NHSL2: variants seen among roughly 807,000 people sequenced by gnomAD.
NHSL2 encodes NHS like 2.
In NHSL2, 27 loss-of-function variants were observed where a neutral mutation model predicts 53.4. That is an observed-to-expected ratio of 0.51 (90% CI 0.37 to 0.70). The LOEUF (loss-of-function observed/expected upper bound fraction) is 0.70. Ranked by LOEUF, NHSL2 falls within the 30% of genes least tolerant of loss-of-function variation. The pLI, the probability that NHSL2 is intolerant of heterozygous loss-of-function variation, is 0.00. For missense variants in NHSL2, 892 were observed against 980.1 expected (o/e 0.91, Z 1.20); for synonymous variants, 408 against 404.1 (o/e 1.01, Z -0.12).
intron 1 of NHSL2, among the ~76,000 whole-genome samples, chrX:72,073,978 T>C (rs961163865): frequency 6.2e-5 from 7 of 112,360 alleles, no homozygotes; most frequent in Admixed American, 1.9e-4. Context: ...ACTGAACTCA[T>C]TGGGGACTCC....
Position 72,119,795 on chromosome X carries a change from T to C in NHSL2, c.281-12284T>C, listed in dbSNP as rs148700020. ...CCTCCAGTATAATGTTGAACAGAAG[T>C]AGGGAAAGTGGATACCCTTGTCTTG... is the stretch of plus-strand genomic sequence containing the variant. On this transcript the variant is annotated intron_variant, in intron 1 of 7. Transcript: ENST00000633930. Among the ~76,000 whole-genome samples, 583 of 112,210 alleles carry C rather than the reference T, an allele frequency of 5.2e-3. 4 individuals are homozygous for C. Among genetic ancestry groups the C allele is most frequent in the African/African-American group, 0.018 (550 of 30,885 alleles).
chrX:71,914,738 C>T (rs186503839), intron 1 of NHSL2, among the ~76,000 whole-genome samples: 1 of 111,595 alleles, frequency 9.0e-6, no homozygotes, highest in Admixed American at 9.5e-5. Flanking sequence ...TAAATCTATA[C>T]GGAGATGAAA....
At position 72,139,549 on chromosome X, in the gene NHSL2, C is replaced by G; in HGVS notation, c.2001C>G (p.Thr667=). 8.3e-7 allele frequency: 1 copy of G among 1,211,044 alleles called. No homozygotes were observed. Among genetic ancestry groups the G allele is most frequent in the South Asian group, 1.8e-5 (1 of 56,844 alleles). The change falls in exon 6 of 8, where the codon ACC becomes ACG. Residue 667 remains threonine, a synonymous_variant. Coordinates refer to ENST00000633930, the MANE Select transcript of NHSL2 (RefSeq NM_001013627.3). ...TATGTTVIEC[T]QVQGSSESLA... ...CTGGCACCACAGTCATTGAGTGCAC[C>G]CAAGTTCAGGGCAGCTCAGAGTCTC... is the stretch of plus-strand genomic sequence containing the variant.
intron 1 of NHSL2, among the ~76,000 whole-genome samples, chrX:72,024,276 AT>A (rs1163869645): frequency 2.7e-5 from 3 of 111,611 alleles, no homozygotes; most frequent in African/African-American, 9.8e-5. Flanking sequence ...TGTAACTATA[AT>A]GGTTTGGTGG....
intron 1 of NHSL2, among the ~76,000 whole-genome samples, chrX:72,012,526 C>T (rs1054128213): frequency 8.9e-6 from 1 of 112,665 alleles, no homozygotes; most frequent in African/African-American, 3.2e-5. Context: ...ACTGCAATCT[C>T]TACCTCCATC....
At chrX:72,081,271 G>C (rs1261407750) in intron 1 of NHSL2, among the ~76,000 whole-genome samples, 1 of 112,339 alleles carries the variant, frequency 8.9e-6, no homozygotes, top group Non-Finnish European at 1.9e-5. Flanking sequence ...TGCGGTCTGC[G>C]TGGGGCCTCA....
chrX:72,116,639 C>T (rs1353435879), intron 1 of NHSL2, among the ~76,000 whole-genome samples: 5 of 111,688 alleles, frequency 4.5e-5, no homozygotes, highest in African/African-American at 9.8e-5. Context: ...GGGGCAGGGG[C>T]GTGGTTCTGG....
intron 1 of NHSL2, among the ~76,000 whole-genome samples, chrX:72,031,709 C>T (rs560650923): frequency 9.5e-6 from 1 of 104,921 alleles, no homozygotes; most frequent in African/African-American, 3.5e-5. Context: ...CGCTCCTTTC[C>T]AACACACTGG....
At chrX:72,041,836 T>C (rs1037541436) in intron 1 of NHSL2, among the ~76,000 whole-genome samples, 1 of 112,352 alleles carries the variant, frequency 8.9e-6, no homozygotes, top group East Asian at 2.8e-4. Context: ...CATTTACTCA[T>C]TGGATTCTGG....
intron 1 of NHSL2, among the ~76,000 whole-genome samples, chrX:72,098,349 G>A (rs2041959685): frequency 8.9e-6 from 1 of 112,277 alleles, no homozygotes; most frequent in Non-Finnish European, 1.9e-5. Flanking sequence ...GGGAAGCCGA[G>A]ACGGGTGGAT....
At chrX:72,079,034 G>A (rs1302569365) in intron 1 of NHSL2, among the ~76,000 whole-genome samples, 2 of 112,282 alleles carry the variant, frequency 1.8e-5, no homozygotes, top group African/African-American at 6.5e-5. Flanking sequence ...CTCACGCTGA[G>A]TCTCTTTCCA....
At chrX:71,940,678 G>T (rs760206454) in intron 1 of NHSL2, among the ~76,000 whole-genome samples, 1 of 109,941 alleles carries the variant, frequency 9.1e-6, no homozygotes, top group South Asian at 4.1e-4. Flanking sequence ...GTGCAGATTT[G>T]GTTGTGGGAA....
At chrX:71,964,773 C>T (rs1293537355) in intron 1 of NHSL2, among the ~76,000 whole-genome samples, 3 of 112,412 alleles carry the variant, frequency 2.7e-5, no homozygotes, top group Non-Finnish European at 5.6e-5. Context: ...CCACAGTCTC[C>T]ACTGTTTTTG....
chrX:71,979,714 C>G (rs1229504625), intron 1 of NHSL2, among the ~76,000 whole-genome samples: 3 of 111,671 alleles, frequency 2.7e-5, no homozygotes, highest in Non-Finnish European at 5.6e-5. Context: ...TGTAGGTTGC[C>G]TGTTCACTCT....
intron 1 of NHSL2, among the ~76,000 whole-genome samples, chrX:72,088,060 G>GTCTC (rs999760895): frequency 1.8e-5 from 2 of 108,936 alleles, no homozygotes; most frequent in Non-Finnish European, 1.9e-5. Context: ...GAGAAACCCC[G>GTCTC]TCTCTACTAA....
At chrX:71,968,324 G>T (rs1469412038) in intron 1 of NHSL2, among the ~76,000 whole-genome samples, 1 of 110,805 alleles carries the variant, frequency 9.0e-6, no homozygotes, top group East Asian at 2.8e-4. Context: ...TGCTTGAAGT[G>T]GAACCTGCCA....
intron 1 of NHSL2, among the ~76,000 whole-genome samples, chrX:71,932,446 T>A (rs190421800): frequency 1.8e-5 from 2 of 111,043 alleles, no homozygotes; most frequent in East Asian, 5.7e-4. Context: ...TTCAAAATGC[T>A]CACTCTGGCT....
Position 71,911,120 on chromosome X carries a change from G to A in NHSL2, c.33G>A (p.Gln11=). The change falls in exon 1 of 8, where the codon CAG becomes CAA. Residue 11 remains glutamine (Q), a synonymous_variant. Coordinates refer to ENST00000633930, the MANE Select transcript of NHSL2 (RefSeq NM_001013627.3). ...TCTACAGGCGCACGGTGGTACCCCA[G>A]CGCCTGTGCCCGCGCAACCCGCCGC... MPFYRRTVVP[Q]RLCPRNPPQQ... The A allele has an allele frequency of 9.1e-7, 1 of 1,098,318 alleles. No homozygotes were observed. The highest frequency in any genetic ancestry group is 1.2e-6 in the Non-Finnish European group (1 of 842,976). The allele number at this position is 1,098,318 out of a possible 1,213,427, so 90.5% of individuals were successfully genotyped here.
intron 6 of NHSL2, chrX:72,141,486 C>T (rs906286111): frequency 1.8e-5 from 2 of 113,761 alleles, no homozygotes; most frequent in African/African-American, 3.3e-5. Flanking sequence ...ACCAATCTCC[C>T]GAACTCCTTT....
Sources: gnomAD v4.1 joint callset for allele counts (sites outside exome capture counted in the v4.1 genomes callset) on GRCh38, gnomAD v4.1.1 for gene constraint, MANE v1.5 for transcripts, NCBI Gene and HGNC (gene_info 2026-07-23, HGNC 2026-07-21) for gene names.